The following TMC1 variants were observed in gnomAD, a reference collection of about 807,000 sequenced individuals.
The protein encoded by TMC1 is transmembrane channel like 1, also known as transmembrane channel-like protein 1.
Under a neutral mutation model 105.8 loss-of-function variants are expected in TMC1, and 84 were observed. The observed-to-expected ratio is 0.79, with a 90% CI of 0.67 to 0.95. The LOEUF (loss-of-function observed/expected upper bound fraction) is 0.95, where lower values mean the gene tolerates loss of function less well. Ranked by LOEUF, TMC1 falls within the 40% of genes least tolerant of loss-of-function variation. The pLI, the probability that TMC1 is intolerant of heterozygous loss-of-function variation, is 0.00. For missense variants in TMC1, 817 were observed against 914.1 expected (o/e 0.89, Z 1.37); for synonymous variants, 315 against 311.5 (o/e 1.01, Z -0.12).
At chr9:72,571,541 G>T (rs1014943535) in intron 1 of TMC1, among the ~76,000 whole-genome samples, 2 of 150,528 alleles carry the variant, frequency 1.3e-5, no homozygotes, top group Admixed American at 1.3e-4. Flanking sequence ...CCACCTCCTG[G>T]GTTCAAGTGA....
chr9:72,799,806 A>G (rs1828440057), intron 17 of TMC1, among the ~76,000 whole-genome samples: 1 of 152,194 alleles, frequency 6.6e-6, no homozygotes, highest in Non-Finnish European at 1.5e-5. Context: ...GGCAAAATGG[A>G]CTTTGCAGAT....
chr9:72,815,677 T>C (rs1274583903), intron 18 of TMC1, among the ~76,000 whole-genome samples: 1 of 152,206 alleles, frequency 6.6e-6, no homozygotes, highest in Non-Finnish European at 1.5e-5. Context: ...TATATCATAG[T>C]ATAAATATAC....
intron 17 of TMC1, among the ~76,000 whole-genome samples, chr9:72,793,271 A>T (rs1299903414): frequency 6.6e-6 from 1 of 152,194 alleles, no homozygotes; most frequent in Non-Finnish European, 1.5e-5. Flanking sequence ...ATCCAGTGAC[A>T]GTCTGCAGGC....
chr9:72,679,919 A>G (rs1397720811), intron 5 of TMC1, among the ~76,000 whole-genome samples: 7 of 152,026 alleles, frequency 4.6e-5, no homozygotes, highest in Non-Finnish European at 1.0e-4. Flanking sequence ...AAAACAAGTA[A>G]CCATTTGGGA....
chr9:72,651,079 A>AT (rs1825807701), intron 5 of TMC1: 1 of 147,198 alleles, frequency 6.8e-6, no homozygotes, highest in African/African-American at 2.5e-5. Context: ...ATATCTATAT[A>AT]AAAATATATA....
chr9:72,744,659 T>C (rs894914015), intron 10 of TMC1, among the ~76,000 whole-genome samples: 1 of 152,226 alleles, frequency 6.6e-6, no homozygotes, highest in African/African-American at 2.4e-5. Context: ...TTTATAAAAT[T>C]GTAGGGCTGA....
intron 4 of TMC1, among the ~76,000 whole-genome samples, chr9:72,637,415 G>A (rs956839483): frequency 6.6e-6 from 1 of 151,756 alleles, no homozygotes. Context: ...ATCCCCAGTC[G>A]GTGGGTTTCC....
chr9:72,675,167 C>T (rs1027013349), intron 5 of TMC1, among the ~76,000 whole-genome samples: 6 of 152,030 alleles, frequency 3.9e-5, no homozygotes, highest in Non-Finnish European at 7.4e-5. Context: ...CTGAACAGTT[C>T]GATGAATGCC....
intron 1 of TMC1, among the ~76,000 whole-genome samples, chr9:72,539,238 A>AG (rs1554709911): frequency 7.0e-5 from 10 of 143,438 alleles, no homozygotes; most frequent in African/African-American, 2.4e-4. Flanking sequence ...CAAAAAAAAA[A>AG]CAACAACAAA....
At chr9:72,711,896 T>C (rs1421387122) in intron 8 of TMC1, among the ~76,000 whole-genome samples, 1 of 152,126 alleles carries the variant, frequency 6.6e-6, no homozygotes, top group Non-Finnish European at 1.5e-5. Flanking sequence ...GTTTTTACGG[T>C]TTTAGGTTTT....
intron 5 of TMC1, among the ~76,000 whole-genome samples, chr9:72,681,033 A>C (rs1588028275): frequency 6.6e-6 from 1 of 152,196 alleles, no homozygotes; most frequent in East Asian, 1.9e-4. Context: ...TTTTTGTCCT[A>C]AATAACCCAA....
chr9:72,658,799 T>G (rs1825924624), intron 5 of TMC1, among the ~76,000 whole-genome samples: 1 of 152,192 alleles, frequency 6.6e-6, no homozygotes, highest in Non-Finnish European at 1.5e-5. Flanking sequence ...TGGGGTGAAC[T>G]GCTGGGGTGT....
intron 5 of TMC1, among the ~76,000 whole-genome samples, chr9:72,669,514 G>A (rs1352675735): frequency 6.6e-6 from 1 of 151,946 alleles, no homozygotes; most frequent in Non-Finnish European, 1.5e-5. Flanking sequence ...TGATATTTTT[G>A]TATGACATCT....
chr9:72,829,403 T>C (rs968589025), intron 21 of TMC1, among the ~76,000 whole-genome samples: 2 of 152,214 alleles, frequency 1.3e-5, no homozygotes, highest in African/African-American at 4.8e-5. Flanking sequence ...GGTGGATAAA[T>C]AGAGAATTCC....
At chr9:72,823,509 G>A (rs752498894) in intron 20 of TMC1, among the ~76,000 whole-genome samples, 1 of 152,152 alleles carries the variant, frequency 6.6e-6, no homozygotes, top group Non-Finnish European at 1.5e-5. Context: ...CAGGTAAGAT[G>A]GCTATAGTAT....
intron 8 of TMC1, among the ~76,000 whole-genome samples, chr9:72,738,881 A>G (rs1037592263): frequency 2.6e-5 from 4 of 152,190 alleles, no homozygotes; most frequent in Admixed American, 1.3e-4. Context: ...ATCTGTTTCT[A>G]TCATGACAGA....
intron 1 of TMC1, among the ~76,000 whole-genome samples, chr9:72,567,476 T>C (rs1824182580): frequency 6.6e-6 from 1 of 152,176 alleles, no homozygotes; most frequent in African/African-American, 2.4e-5. Flanking sequence ...GAGGTTTAAA[T>C]GATTACAGTT....
chr9:72,693,911 A>AT (rs756704020), intron 6 of TMC1, among the ~76,000 whole-genome samples: 1 of 152,002 alleles, frequency 6.6e-6, no homozygotes, highest in Non-Finnish European at 1.5e-5. Flanking sequence ...TATGTTACCT[A>AT]TTTCTATTCA....
chr9:72,797,107 C>G (rs1828384321), intron 17 of TMC1, among the ~76,000 whole-genome samples: 1 of 152,102 alleles, frequency 6.6e-6, no homozygotes, highest in Non-Finnish European at 1.5e-5. Context: ...TGAATGAACT[C>G]ACATCTACAA....
Sources: allele counts gnomAD v4.1 joint callset (sites outside exome capture counted in the v4.1 genomes callset), GRCh38; gene constraint gnomAD v4.1.1; transcripts MANE v1.5; gene names NCBI Gene and HGNC (gene_info 2026-07-23, HGNC 2026-07-21).